Variants in SHANK2 observed in about 807,000 individuals in gnomAD.
SHANK2 encodes the protein SH3 and multiple ankyrin repeat domains 2.
SHANK2 carries 43 observed loss-of-function variants against 133.7 expected under a neutral mutation model. That is an observed-to-expected ratio of 0.32 (90% CI 0.25 to 0.41). The LOEUF (loss-of-function observed/expected upper bound fraction) is 0.41. Ranked by LOEUF, SHANK2 falls within the 10% of genes least tolerant of loss-of-function variation. The pLI, the probability that SHANK2 is intolerant of heterozygous loss-of-function variation, is 1.00. For missense variants in SHANK2, 1,994 were observed against 2,235.8 expected (o/e 0.89, Z 2.18); for synonymous variants, 1,017 against 952.8 (o/e 1.07, Z -1.24).
chr11:71,235,033 C>T (rs1032720951), intron 1 of SHANK2, among the ~76,000 whole-genome samples: 1 of 152,212 alleles, frequency 6.6e-6, no homozygotes, highest in African/African-American at 2.4e-5. Context: ...CACGCTACAA[C>T]ACGAATCATC....
In SHANK2 at chr11:70,487,631, G is replaced by T; in HGVS notation, c.2662C>A (p.Pro888Thr). The change falls in exon 25 of 26, where the codon CCC becomes ACC. Residue 888 changes from proline to threonine, a missense_variant. Transcript: ENST00000601538. This position sits in a 1 kb window ranked among gnomAD's most constrained non-coding sequence, Gnocchi z 5.8. ...GGGGGCACAGACTGCGGTGGAGGGG[G>T]GATGTCCTCAGAGGTGTCCGGCATG... is the stretch of plus-strand genomic sequence containing the variant. Reference protein sequence around the residue: ...LSMPDTSEDIPPPPQSVPPSP... With the variant: ...LSMPDTSEDITPPPQSVPPSP... The T allele has an allele frequency of 6.2e-7, 1 of 1,604,800 alleles. No homozygotes were observed. Among genetic ancestry groups the T allele is most frequent in the Admixed American group, 1.7e-5 (1 of 58,520 alleles).
At chr11:70,724,184 C>T (rs1289711746) in intron 14 of SHANK2, among the ~76,000 whole-genome samples, 1 of 151,986 alleles carries the variant, frequency 6.6e-6, no homozygotes, top group Non-Finnish European at 1.5e-5. Context: ...TACAGGTGCA[C>T]ACCACCACTC....
At chr11:70,784,746 G>A (rs1947611818) in intron 14 of SHANK2, among the ~76,000 whole-genome samples, 1 of 152,118 alleles carries the variant, frequency 6.6e-6, no homozygotes, top group African/African-American at 2.4e-5. Flanking sequence ...GGGAGATGCT[G>A]GGTGGGGAAG....
chr11:71,189,172 T>C (rs1238136920), intron 2 of SHANK2, among the ~76,000 whole-genome samples: 1 of 152,228 alleles, frequency 6.6e-6, no homozygotes, highest in Non-Finnish European at 1.5e-5. Flanking sequence ...TTCCTGAGGC[T>C]CCTCCTGGCC....
chr11:70,617,010 AGT>A (rs1231967770), intron 17 of SHANK2, among the ~76,000 whole-genome samples: 1 of 151,330 alleles, frequency 6.6e-6, no homozygotes, highest in Non-Finnish European at 1.5e-5. Context: ...TGTGTCACTG[AGT>A]GTGTGCCTAT....
intron 23 of SHANK2, 127 bp downstream of exon 23, chr11:70,490,149 C>T: frequency 2.6e-6 from 2 of 766,134 alleles, no homozygotes; most frequent in South Asian, 1.6e-5. Context: ...GGTGGGCTGG[C>T]AGGGCCTTGC....
chr11:70,896,064 G>A lies in SHANK2; in HGVS notation c.1174+437C>T, dbSNP rs1488767942. ...TGGGCTTGTACATTCTACCAGTTTG[G>A]ACAAATGCGTAACGACATGTATCAA... On this transcript the variant is annotated intron_variant, in intron 11 of 25. Coordinates refer to ENST00000601538, the MANE Select transcript of SHANK2 (RefSeq NM_012309.5). Among the ~76,000 whole-genome samples the A allele has an allele frequency of 1.1e-4, 16 of 152,110 alleles. No homozygotes were observed. In the South Asian group the frequency reaches 2.9e-3, roughly 28 times the overall value.
chr11:70,893,285 C>CA (rs1362686889), intron 11 of SHANK2, among the ~76,000 whole-genome samples: 2 of 152,142 alleles, frequency 1.3e-5, no homozygotes, highest in Non-Finnish European at 2.9e-5. Flanking sequence ...CACATGCAGG[C>CA]AAAAAACGCA....
intron 15 of SHANK2, among the ~76,000 whole-genome samples, chr11:70,696,499 C>G (rs1945395501): frequency 6.6e-6 from 1 of 152,212 alleles, no homozygotes; most frequent in South Asian, 2.1e-4. Flanking sequence ...TCTGCTGCTG[C>G]AGAAACAATT....
intron 10 of SHANK2, among the ~76,000 whole-genome samples, chr11:70,930,993 C>T (rs1435089592): frequency 2.0e-5 from 3 of 152,078 alleles, no homozygotes; most frequent in African/African-American, 7.2e-5. Context: ...GGTACGGCTA[C>T]AGAAGCCATC....
chr11:70,679,495 T>A (rs971356742), intron 15 of SHANK2, among the ~76,000 whole-genome samples: 5 of 152,224 alleles, frequency 3.3e-5, no homozygotes, highest in Non-Finnish European at 1.5e-5. Flanking sequence ...GCAGTCCCTC[T>A]GTGCCTGGCA....
rs58093704 is a variant in SHANK2, at chr11:70,860,060, T to C, written c.1174+36441A>G. 2.6e-3 allele frequency among the ~76,000 whole-genome samples: 402 copies of C among 152,156 alleles called. 1 individual carries two copies. Among genetic ancestry groups the C allele is most frequent in the African/African-American group, 9.5e-3 (394 of 41,498 alleles). On this transcript the variant is annotated intron_variant, in intron 11 of 25. Transcript: ENST00000601538. Reference sequence around the variant, plus strand: ...TATCTCCCTCCCTGCGGAGCAAACATCCCCACCTCCAACCTCCCCCAACAT... The same window carrying C: ...TATCTCCCTCCCTGCGGAGCAAACACCCCCACCTCCAACCTCCCCCAACAT...
chr11:71,104,298 G>A (rs1228013052), intron 6 of SHANK2, among the ~76,000 whole-genome samples: 1 of 152,100 alleles, frequency 6.6e-6, no homozygotes, highest in Non-Finnish European at 1.5e-5. Flanking sequence ...CTCTCTGGGG[G>A]CTCTCCATGG....
intron 11 of SHANK2, among the ~76,000 whole-genome samples, chr11:70,845,028 G>A (rs782672902): frequency 1.1e-4 from 16 of 151,444 alleles, no homozygotes; most frequent in African/African-American, 1.5e-4. Flanking sequence ...CTGAAACCCC[G>A]TCTCTACTAA....
At chr11:70,732,277 G>A (rs1946307183) in intron 14 of SHANK2, among the ~76,000 whole-genome samples, 1 of 152,198 alleles carries the variant, frequency 6.6e-6, no homozygotes, top group Non-Finnish European at 1.5e-5. Context: ...CAATCAGACA[G>A]CAAGTGCCTG....
intron 3 of SHANK2, among the ~76,000 whole-genome samples, chr11:71,128,994 G>A (rs145451251): frequency 0.014 from 2,137 of 152,218 alleles, 56 homozygotes; most frequent in African/African-American, 0.05. Flanking sequence ...CATGTTGACC[G>A]GGATGGTCTT....
chr11:70,796,207 T>C (rs1379803155), intron 14 of SHANK2, among the ~76,000 whole-genome samples: 1 of 152,182 alleles, frequency 6.6e-6, no homozygotes, highest in African/African-American at 2.4e-5. Context: ...AGGGTGATGC[T>C]GGCAGGTGGA....
intron 14 of SHANK2, among the ~76,000 whole-genome samples, chr11:70,777,908 A>G (rs1555044283): frequency 6.6e-6 from 1 of 152,182 alleles, no homozygotes; most frequent in Non-Finnish European, 1.5e-5. Flanking sequence ...TTACTTTTCT[A>G]TAGTCCAGGT....
rs1042527064 is a variant in SHANK2 at position 70,807,017 on chromosome 11, C to T, written c.1648G>A (p.Gly550Ser). 12 of 717,496 alleles carry T rather than the reference C, an allele frequency of 1.7e-5. No individual in the cohort carries two copies. Among genetic ancestry groups the T allele is most frequent in the East Asian group, 2.7e-5 (1 of 37,272 alleles). The allele number at this position is 717,496 out of a possible 1,614,324, so 44.4% of individuals were successfully genotyped here. A position where few individuals can be genotyped will look rare whatever the true frequency, so the allele number is the denominator to read the frequency against. Residue 550 changes from glycine (G) to serine (S), a missense_variant, in exon 13 of 26, where the codon GGT becomes AGT. Gly to Ser is a moderately conservative substitution (Grantham distance 56, BLOSUM62 0). Around this residue, in one of 5 missense-constraint regions of SHANK2, gnomAD observed 653 missense variants for 563.4 expected, o/e 1.16. Coordinates refer to ENST00000601538, the MANE Select transcript of SHANK2 (RefSeq NM_012309.5). This position sits in a 1 kb window ranked among gnomAD's most constrained non-coding sequence, Gnocchi z 4.8. Reference sequence around the variant, plus strand: ...AGACACTGACCTTTGACCCTGTCACCGCGGTGAAGGGGGATCTCGCCGTCC... The same window carrying T: ...AGACACTGACCTTTGACCCTGTCACTGCGGTGAAGGGGGATCTCGCCGTCC... ...QVDGEIPLHR[G>S]DRVKVLSIGE...
Sources: allele counts gnomAD v4.1 joint callset (sites outside exome capture counted in the v4.1 genomes callset), GRCh38; gene constraint gnomAD v4.1.1; regional missense constraint gnomAD v4.1.1; non-coding constraint Gnocchi (gnomAD v3.1); transcripts MANE v1.5; gene names NCBI Gene and HGNC (gene_info 2026-07-23, HGNC 2026-07-21).